SP110: variants seen among roughly 807,000 people sequenced by gnomAD.
SP110 encodes SP110 nuclear body protein, also known as interferon-induced protein 41, 30kD.
A neutral mutation model predicts 92.7 loss-of-function variants in SP110; 62 were observed. That is an observed-to-expected ratio of 0.67 (90% CI 0.55 to 0.83). The LOEUF (loss-of-function observed/expected upper bound fraction) is 0.83. Ranked by LOEUF, SP110 falls within the 40% of genes least tolerant of loss-of-function variation. The pLI is 0.00. For missense variants in SP110, 793 were observed against 863.9 expected (o/e 0.92, Z 1.03); for synonymous variants, 273 against 305.3 (o/e 0.89, Z 1.10).
chr2:230,178,323 T>C, intron 12 of SP110, 68 bp from the exon 13 acceptor site: 1 of 878,378 alleles, frequency 1.1e-6, no homozygotes, highest in South Asian at 1.4e-5. Flanking sequence ...AATTCTCCCC[T>C]CCATGAATTC....
chr2:230,192,299 A>G (rs1469753856), intron 10 of SP110, among the ~76,000 whole-genome samples: 1 of 152,200 alleles, frequency 6.6e-6, no homozygotes, highest in Non-Finnish European at 1.5e-5. Flanking sequence ...ATCAGGCAAG[A>G]GAAAGAAATA....
intron 9 of SP110, 64 bp from the exon 10 acceptor site, chr2:230,201,029 C>T: frequency 1.6e-6 from 2 of 1,266,706 alleles, no homozygotes; most frequent in Non-Finnish European, 1.2e-6. Context: ...TCCCAGAGAC[C>T]CAGGAAGGCC....
At chr2:230,182,547 T>G in intron 12 of SP110, among the ~76,000 whole-genome samples, 1 of 151,768 alleles carries the variant, frequency 6.6e-6, no homozygotes, top group Non-Finnish European at 1.5e-5. Context: ...GTTGGGTGGG[T>G]GAGCTGGGAG....
chr2:230,215,985 G>A (rs762098793), intron 2 of SP110, among the ~76,000 whole-genome samples: 1 of 152,104 alleles, frequency 6.6e-6, no homozygotes, highest in Non-Finnish European at 1.5e-5. Flanking sequence ...CTAAGACTAA[G>A]GGAAGATTAT....
Position 230,211,817 on chromosome 2 carries a change from C to T in SP110, c.668-264G>A, listed in dbSNP as rs1286860262. ...GGAGTGGATGCAATATTATTTGGAT[C>T]GAAGAGGACCCCTCTTCTCAGTACT... On this transcript the variant is annotated intron_variant, in intron 5 of 18. Transcript: ENST00000258381. The surrounding 1 kb of genome is among the most constrained non-coding windows in gnomAD (Gnocchi z 4.2). Among the ~76,000 whole-genome samples, 1 of 152,026 alleles carries T rather than the reference C, an allele frequency of 6.6e-6. No homozygotes were observed. Among genetic ancestry groups the T allele is most frequent in the Non-Finnish European group, 1.5e-5 (1 of 67,994 alleles).
rs774002388 is a variant in SP110 at position 230,169,161 on chromosome 2, T to C, written c.2105A>G (p.His702Arg). 3 of 1,613,924 alleles carry C rather than the reference T, an allele frequency of 1.9e-6. No individual in the cohort carries two copies. The highest frequency in any genetic ancestry group is 1.7e-6 in the Non-Finnish European group (2 of 1,179,862). ...EKDLKDVLGF[H>R]EANDGGFWTL... is the part of the protein sequence containing the mutation. ...CCAGAAACCGCCGTCATTGGCTTCA[T>C]GAAAACCGAGCACGTCTTTGAGATC... The change falls in exon 19 of 19, where the codon CAT becomes CGT. Residue 702 changes from histidine (H) to arginine (R), a missense_variant. By Grantham distance (29) the His-to-Arg change is conservative. Coordinates refer to ENST00000258381, the MANE Select transcript of SP110 (RefSeq NM_080424.4).
intron 10 of SP110, among the ~76,000 whole-genome samples, chr2:230,199,892 A>G (rs1156583869): frequency 6.6e-6 from 1 of 152,186 alleles, no homozygotes; most frequent in African/African-American, 2.4e-5. Flanking sequence ...TGGCTCCTGA[A>G]AAGAGTTCCT....
chr2:230,222,331 A>G (rs1332466071), upstream of SP110, among the ~76,000 whole-genome samples: 1 of 152,112 alleles, frequency 6.6e-6, no homozygotes, highest in Non-Finnish European at 1.5e-5. Context: ...GATAAATTAT[A>G]CATAATTCTT....
chr2:230,193,254 A>T (rs899617200), intron 10 of SP110, among the ~76,000 whole-genome samples: 3 of 152,124 alleles, frequency 2.0e-5, no homozygotes, highest in Non-Finnish European at 4.4e-5. Flanking sequence ...CTTGTGTGTT[A>T]AGTGAGTCTC....
At chr2:230,194,608 T>TGTC (rs2042779227) in intron 10 of SP110, among the ~76,000 whole-genome samples, 1 of 152,036 alleles carries the variant, frequency 6.6e-6, no homozygotes, top group Non-Finnish European at 1.5e-5. Flanking sequence ...TGCACTGGAG[T>TGTC]AGACACATGC....
chr2:230,206,649 T>C (rs1222247124), intron 8 of SP110, among the ~76,000 whole-genome samples: 2 of 88,758 alleles, frequency 2.3e-5, no homozygotes, highest in African/African-American at 7.9e-5. Context: ...GGACCACACT[T>C]TTTCAGTGAG....
Position 230,204,338 on chromosome 2 carries a change from G to A in SP110, c.899-1610C>T, listed in dbSNP as rs543989766. ...TTCCCTGTCTCCCTAATCCTATAAC[G>A]TGTAGAGCATTGTGAGAGTGGGCAT... On this transcript the variant is annotated intron_variant, in intron 8 of 18. Coordinates refer to ENST00000258381, the MANE Select transcript of SP110 (RefSeq NM_080424.4). 3.9e-5 allele frequency among the ~76,000 whole-genome samples: 6 copies of A among 152,258 alleles called. No individual in the cohort carries two copies. The South Asian group carries it at 1.0e-3, about 26-fold the overall frequency.
At chr2:230,192,427 T>C (rs2042677692) in intron 10 of SP110, among the ~76,000 whole-genome samples, 1 of 152,178 alleles carries the variant, frequency 6.6e-6, no homozygotes, top group Admixed American at 6.5e-5. Context: ...GATAAGCAAC[T>C]TCAACAAAGT....
rs993061420 is a variant in SP110 at position 230,165,198 on chromosome 2, G to C, written c.*3926C>G. Among the ~76,000 whole-genome samples the C allele has an allele frequency of 6.6e-6, 1 of 152,180 alleles. No individual in the cohort carries two copies. Among genetic ancestry groups the C allele is most frequent in the African/African-American group, 2.4e-5 (1 of 41,438 alleles). The stretch of plus-strand genomic sequence containing the variant: ...AAGTTTAAATCAATTTTGAAGGTGA[G>C]AAGTTATGATAAGTTATATATTATG... On this transcript the variant is annotated 3_prime_UTR_variant, in exon 19 of 19. Transcript: ENST00000258381.
intron 8 of SP110, among the ~76,000 whole-genome samples, chr2:230,204,136 G>A (rs1276923462): frequency 6.6e-6 from 1 of 152,178 alleles, no homozygotes; most frequent in African/African-American, 2.4e-5. Flanking sequence ...TATGAAGAAA[G>A]GCAAATCTGG....
chr2:230,209,977 G>T lies in SP110; in HGVS notation c.783C>A (p.Asp261Glu). 1.2e-6 allele frequency: 2 copies of T among 1,609,208 alleles called. No individual in the cohort carries two copies. The highest frequency in any genetic ancestry group is 1.7e-6 in the Non-Finnish European group (2 of 1,175,508). ...TGGACACCTCCTGGGGCTCTTCTGG[G>T]TCATTTGGTTCTGGAGAATTATCTC... ...EIRDNSPEPN[D>E]PEEPQEVSST... is the part of the protein sequence containing the mutation. Residue 261 changes from aspartate (D) to glutamate (E), a missense_variant, in exon 7 of 19, where the codon GAC (aspartate) becomes GAA (glutamate). Transcript: ENST00000258381.
chr2:230,178,653 C>T (rs879922943), intron 12 of SP110, among the ~76,000 whole-genome samples: 4 of 152,134 alleles, frequency 2.6e-5, no homozygotes, highest in Non-Finnish European at 5.9e-5. Context: ...AATCTTATTT[C>T]CTGACTTAAA....
Position 230,193,676 on chromosome 2 carries a change from ATAAGAC to A in SP110, c.1129+7203_1129+7208del, listed in dbSNP as rs1259816221. On this transcript the variant is annotated intron_variant, in intron 10 of 18. Coordinates refer to ENST00000258381, the MANE Select transcript of SP110 (RefSeq NM_080424.4). Reference sequence around the variant, plus strand: ...GTTATTCTGTTTAAGGAGACTAAAGATAAGACTCCAATCCCTTCCAGCTTGTAAGGT... The same window carrying A: ...GTTATTCTGTTTAAGGAGACTAAAGATCCAATCCCTTCCAGCTTGTAAGGT... 3.3e-5 allele frequency among the ~76,000 whole-genome samples: 5 copies of A among 152,352 alleles called. No individual in the cohort carries two copies. The South Asian group carries it at 1.0e-3, about 32-fold the overall frequency.
chr2:230,180,386 G>A (rs2042076860), intron 12 of SP110, among the ~76,000 whole-genome samples: 1 of 151,406 alleles, frequency 6.6e-6, no homozygotes, highest in Admixed American at 6.6e-5. Flanking sequence ...GGAGTGATTT[G>A]GGAGCTCTAT....
Sources: gnomAD v4.1 joint callset for allele counts (sites outside exome capture counted in the v4.1 genomes callset) on GRCh38, gnomAD v4.1.1 for gene constraint, Gnocchi (gnomAD v3.1) non-coding constraint, MANE v1.5 for transcripts, NCBI Gene and HGNC (gene_info 2026-07-23, HGNC 2026-07-21) for gene names.